Variants in LRP1B observed in about 807,000 individuals in gnomAD.
The protein encoded by LRP1B is low-density lipoprotein receptor-related protein 1B.
In LRP1B, 217 loss-of-function variants were observed where a neutral mutation model predicts 556.6. The ratio of observed to expected loss-of-function variants is 0.39; its 90% CI spans 0.35 to 0.44. The LOEUF (loss-of-function observed/expected upper bound fraction) is 0.44. LRP1B is among the 20% of genes least tolerant of loss of function. The pLI is 1.00. For missense variants in LRP1B, 5,053 were observed against 5,620.8 expected (o/e 0.90, Z 3.23); for synonymous variants, 2,047 against 1,865.8 (o/e 1.10, Z -2.50).
At chr2:140,791,373 G>A (rs1690114724) in intron 32 of LRP1B, among the ~76,000 whole-genome samples, 1 of 152,034 alleles carries the variant, frequency 6.6e-6, no homozygotes, top group African/African-American at 2.4e-5. Flanking sequence ...AGGTTGCAGT[G>A]AGCCATGATC....
intron 37 of LRP1B, among the ~76,000 whole-genome samples, chr2:140,710,079 T>C: frequency 6.6e-6 from 1 of 152,092 alleles, no homozygotes; most frequent in Admixed American, 6.6e-5. Context: ...AATATTTAAA[T>C]ATTGCTACAT....
intron 6 of LRP1B, among the ~76,000 whole-genome samples, chr2:141,195,831 A>G (rs1681728079): frequency 6.6e-6 from 1 of 152,098 alleles, no homozygotes; most frequent in Non-Finnish European, 1.5e-5. Flanking sequence ...ATCAGATAGG[A>G]CTAGTGTTAT....
At chr2:140,909,890 T>C (rs767856795) in intron 21 of LRP1B, among the ~76,000 whole-genome samples, 9 of 151,076 alleles carry the variant, frequency 6.0e-5, no homozygotes, top group South Asian at 2.1e-4. Context: ...GGTTAAAATG[T>C]ACAAGAACTA....
chr2:141,823,741 T>C (rs1374192678), intron 1 of LRP1B, among the ~76,000 whole-genome samples: 1 of 152,218 alleles, frequency 6.6e-6, no homozygotes, highest in Non-Finnish European at 1.5e-5. Flanking sequence ...AAGATCATAG[T>C]TCACTGCAGC....
rs190932380 is a variant in LRP1B at position 141,983,338 on chromosome 2, T to A, written c.82+147310A>T. Among the ~76,000 whole-genome samples, 237 of 152,350 alleles carry A rather than the reference T, an allele frequency of 1.6e-3. 1 individual carries two copies. Among genetic ancestry groups the A allele is most frequent in the African/African-American group, 5.4e-3 (223 of 41,586 alleles). On this transcript the variant is annotated intron_variant, in intron 1 of 90. Transcript: ENST00000389484. ...GATGTCTTATTCCTGTTGTCGTTAC[T>A]ATTTTTAATCCCCAATACATGATTT... is the stretch of plus-strand genomic sequence containing the variant.
chr2:141,162,083 G>A (rs957523227), intron 7 of LRP1B, among the ~76,000 whole-genome samples: 29 of 152,028 alleles, frequency 1.9e-4, no homozygotes, highest in Admixed American at 1.7e-3. Context: ...GGCATATTAT[G>A]TCTCTCCCTT....
At chr2:140,558,436 T>C (rs1269145151) in intron 43 of LRP1B, among the ~76,000 whole-genome samples, 1 of 152,134 alleles carries the variant, frequency 6.6e-6, no homozygotes, top group Non-Finnish European at 1.5e-5. Flanking sequence ...GAAGTATGAA[T>C]GCATGCTACA....
In LRP1B at chr2:141,176,720, G is replaced by GA. The variant is rs78053380; in HGVS notation, c.1013+11700dup. ...ATTTGGATTCCTAAGTATCTCAAGA[G>GA]AAAAAAAAAATGAATCTAATAAAAA... On this transcript the variant is annotated intron_variant, in intron 7 of 90. Transcript: ENST00000389484. Among the ~76,000 whole-genome samples, 476 of 143,820 alleles carry GA rather than the reference G, an allele frequency of 3.3e-3. 2 individuals are homozygous for GA. Among genetic ancestry groups the GA allele is most frequent in the East Asian group, 7.9e-3 (39 of 4,916 alleles). 94.4% of individuals were successfully genotyped at this position (143,820 alleles called of 152,430 possible).
chr2:140,855,490 T>A (rs1320642210), intron 27 of LRP1B, among the ~76,000 whole-genome samples: 1 of 12,512 alleles, frequency 8.0e-5, no homozygotes, highest in African/African-American at 1.6e-4. Context: ...CCATCTCTAC[T>A]GGGAAAAAAA....
chr2:141,104,553 G>T (rs1335159522), intron 7 of LRP1B, among the ~76,000 whole-genome samples: 2 of 152,020 alleles, frequency 1.3e-5, no homozygotes, highest in Admixed American at 1.3e-4. Flanking sequence ...CTCTCTTATT[G>T]TGTTTCCTCT....
chr2:140,759,863 T>C lies in LRP1B; in HGVS notation c.5758+9350A>G, dbSNP rs1688856469. ...GTGCATACAAATACAAATGCACAAA[T>C]ACAAATACACAATTTCCCAGGCAAT... On this transcript the variant is annotated intron_variant, in intron 35 of 90. Coordinates refer to ENST00000389484, the MANE Select transcript of LRP1B (RefSeq NM_018557.3). Among the ~76,000 whole-genome samples the C allele has an allele frequency of 4.6e-5, 7 of 152,220 alleles. No homozygotes were observed. In the South Asian group the frequency reaches 1.4e-3, roughly 32 times the overall value.
rs753824649 is a variant in LRP1B at position 141,505,580 on chromosome 2, A to C, written c.206-25047T>G. 1.8e-3 allele frequency among the ~76,000 whole-genome samples: 276 copies of C among 152,246 alleles called. 1 individual carries two copies. The highest frequency in any genetic ancestry group is 2.3e-3 in the Admixed American group (35 of 15,280). On this transcript the variant is annotated intron_variant, in intron 2 of 90. Coordinates refer to ENST00000389484, the MANE Select transcript of LRP1B (RefSeq NM_018557.3). ...CTCTTCTCTTTATAAGAGACTGTTA[A>C]AATTATTCAACATATACCTGTTACT... is the stretch of plus-strand genomic sequence containing the variant.
chr2:141,328,800 G>T (rs999502276), intron 3 of LRP1B, among the ~76,000 whole-genome samples: 1 of 152,182 alleles, frequency 6.6e-6, no homozygotes. Flanking sequence ...TCTGTCTAAT[G>T]CAGGAAGAGT....
chr2:140,308,834 T>C (rs1684175266), intron 83 of LRP1B, among the ~76,000 whole-genome samples: 1 of 150,942 alleles, frequency 6.6e-6, no homozygotes. Context: ...TAATACTTAC[T>C]CAAAACATTT....
intron 1 of LRP1B, among the ~76,000 whole-genome samples, chr2:142,085,922 A>C (rs888888792): frequency 1.3e-5 from 2 of 152,128 alleles, no homozygotes; most frequent in Non-Finnish European, 2.9e-5. Context: ...TATATATCTA[A>C]AGCCACTTGT....
intron 67 of LRP1B, among the ~76,000 whole-genome samples, chr2:140,381,333 GA>G (rs1192539224): frequency 6.6e-6 from 1 of 151,772 alleles, no homozygotes; most frequent in Non-Finnish European, 1.5e-5. Context: ...TAACCCATCT[GA>G]AAAAAAAGTT....
At chr2:140,502,813 A>C (rs1689252799) in intron 54 of LRP1B, 150 bp downstream of exon 54, 3 of 647,044 alleles carry the variant, frequency 4.6e-6, no homozygotes, top group South Asian at 6.6e-5. Flanking sequence ...TCACAGAGTC[A>C]ATTACTAGTA....
At chr2:140,794,333 G>A (rs10177066) in intron 32 of LRP1B, among the ~76,000 whole-genome samples, 9,129 of 151,974 alleles carry the variant, frequency 0.06, 741 homozygotes, top group African/African-American at 0.18. Context: ...AATACACCAA[G>A]TATTCTTCAA....
At chr2:141,224,071 G>C (rs985327476) in intron 6 of LRP1B, among the ~76,000 whole-genome samples, 1 of 151,982 alleles carries the variant, frequency 6.6e-6, no homozygotes, top group African/African-American at 2.4e-5. Context: ...CACAGTAAAA[G>C]AAACTATCAT....
Sources: allele counts gnomAD v4.1 joint callset (sites outside exome capture counted in the v4.1 genomes callset), GRCh38; gene constraint gnomAD v4.1.1; transcripts MANE v1.5; gene names NCBI Gene and HGNC (gene_info 2026-07-23, HGNC 2026-07-21).